Variants in RASAL2 observed in about 807,000 individuals in gnomAD.
The protein encoded by RASAL2 is ras GTPase-activating protein nGAP.
RASAL2 carries 58 observed loss-of-function variants against 128.9 expected under a neutral mutation model. The ratio of observed to expected loss-of-function variants is 0.45; its 90% CI spans 0.36 to 0.56. The LOEUF is 0.56. Among genes scored for constraint, RASAL2 ranks in the 20% least tolerant of loss-of-function variants. The pLI, the probability that RASAL2 is intolerant of heterozygous loss-of-function variation, is 0.00. For missense variants in RASAL2, 1,360 were observed against 1,601.6 expected (o/e 0.85, Z 2.57); for synonymous variants, 561 against 580.8 (o/e 0.97, Z 0.49).
At chr1:178,402,851 C>T (rs961748187) in intron 4 of RASAL2, among the ~76,000 whole-genome samples, 6 of 151,730 alleles carry the variant, frequency 4.0e-5, no homozygotes, top group South Asian at 4.2e-4. Flanking sequence ...TCATCTAGTC[C>T]GTCTCCCCTG....
intron 1 of RASAL2, among the ~76,000 whole-genome samples, chr1:178,222,327 C>T (rs1182006292): frequency 1.3e-5 from 2 of 151,930 alleles, no homozygotes; most frequent in East Asian, 3.8e-4. Flanking sequence ...ATATGTCTTC[C>T]ACCCATTTTC....
intron 3 of RASAL2, among the ~76,000 whole-genome samples, chr1:178,331,427 G>A (rs1405107604): frequency 6.6e-6 from 1 of 151,990 alleles, no homozygotes; most frequent in Middle Eastern, 3.2e-3. Flanking sequence ...TTGTCAAGTT[G>A]TCTATTTTAC....
At chr1:178,435,572 G>T (rs2102815297) in intron 5 of RASAL2, among the ~76,000 whole-genome samples, 1 of 152,200 alleles carries the variant, frequency 6.6e-6, no homozygotes, top group Non-Finnish European at 1.5e-5. Context: ...GTCAGAAGCA[G>T]CAGGTAATTT....
At chr1:178,125,276 A>G (rs1659854818) in intron 1 of RASAL2, 1 of 152,124 alleles carries the variant, frequency 6.6e-6, no homozygotes, top group African/African-American at 2.4e-5. Flanking sequence ...AGTTGCTGAG[A>G]ATATATTTTA....
At chr1:178,410,687 A>C (rs1472469310) in intron 4 of RASAL2, among the ~76,000 whole-genome samples, 1 of 152,074 alleles carries the variant, frequency 6.6e-6, no homozygotes, top group East Asian at 1.9e-4. Context: ...AAAAACAGAT[A>C]ATCCCGTCAA....
At chr1:178,193,135 T>G (rs1662547306) in intron 1 of RASAL2, among the ~76,000 whole-genome samples, 1 of 152,140 alleles carries the variant, frequency 6.6e-6, no homozygotes, top group Non-Finnish European at 1.5e-5. Flanking sequence ...AATTTTCAGG[T>G]TTTTCTGCCA....
chr1:178,351,079 C>G (rs186343789), intron 3 of RASAL2, among the ~76,000 whole-genome samples: 230 of 152,142 alleles, frequency 1.5e-3, no homozygotes, highest in African/African-American at 5.4e-3. Context: ...TTTTAAACAA[C>G]CAGATCTCAT....
At chr1:178,188,896 A>G (rs1406773720) in intron 1 of RASAL2, among the ~76,000 whole-genome samples, 1 of 152,148 alleles carries the variant, frequency 6.6e-6, no homozygotes, top group East Asian at 1.9e-4. Flanking sequence ...AAAGCTATGA[A>G]TACTGTTTCT....
At chr1:178,330,016 A>G (rs1220409229) in intron 3 of RASAL2, among the ~76,000 whole-genome samples, 1 of 152,226 alleles carries the variant, frequency 6.6e-6, no homozygotes, top group Non-Finnish European at 1.5e-5. Context: ...ATAAGTATAC[A>G]TTCAGTAAAT....
intron 3 of RASAL2, among the ~76,000 whole-genome samples, chr1:178,342,486 G>A (rs1437416015): frequency 6.6e-6 from 1 of 152,168 alleles, no homozygotes; most frequent in Non-Finnish European, 1.5e-5. Flanking sequence ...CTTATGGAGA[G>A]GAGGTATTGA....
chr1:178,326,862 A>G (rs182923991), intron 3 of RASAL2, among the ~76,000 whole-genome samples: 14 of 152,206 alleles, frequency 9.2e-5, no homozygotes, highest in African/African-American at 3.4e-4. Flanking sequence ...TTTCCTTTCT[A>G]TAACCCCCTT....
At position 178,357,843 on chromosome 1, in the gene RASAL2, A is replaced by C. The variant is rs185238755; in HGVS notation, c.458-32257A>C. ...TTGCTATAGTTTATTTGACTACTGT[A>C]TAATTTTTACATTGTTTGAATATAA... On this transcript the variant is annotated intron_variant, in intron 3 of 17. Transcript: ENST00000367649. Among the ~76,000 whole-genome samples the C allele has an allele frequency of 7.1e-3, 1,084 of 152,290 alleles. 6 individuals carry two copies. Among genetic ancestry groups the C allele is most frequent in the Non-Finnish European group, 0.01 (707 of 68,026 alleles).
intron 4 of RASAL2, among the ~76,000 whole-genome samples, chr1:178,416,098 G>C (rs1460782736): frequency 6.6e-6 from 1 of 152,002 alleles, no homozygotes; most frequent in Non-Finnish European, 1.5e-5. Flanking sequence ...TTTGTTAACT[G>C]TTTTCTATTT....
chr1:178,176,650 G>C lies in RASAL2; in HGVS notation c.202+81956G>C, dbSNP rs538599801. Among the ~76,000 whole-genome samples the C allele has an allele frequency of 6.7e-4, 101 of 149,954 alleles. 2 individuals carry two copies. The South Asian group carries it at 0.015, about 23-fold the overall frequency. On this transcript the variant is annotated intron_variant, in intron 1 of 17. Transcript: ENST00000367649. ...TTTGAGAAAGAGGGAGAGAGAGAGAGAGACAGACAGACAGAGAGACTCCCT... is the reference window on the plus strand; with the variant it reads ...TTTGAGAAAGAGGGAGAGAGAGAGACAGACAGACAGACAGAGAGACTCCCT...
At chr1:178,380,179 G>A (rs10913543) in intron 3 of RASAL2, among the ~76,000 whole-genome samples, 5,829 of 152,158 alleles carry the variant, frequency 0.038, 364 homozygotes, top group African/African-American at 0.13. Flanking sequence ...GTGAGTCACC[G>A]TGCCCCGCCA....
chr1:178,210,129 T>C (rs1451614428), intron 1 of RASAL2, among the ~76,000 whole-genome samples: 1 of 152,130 alleles, frequency 6.6e-6, no homozygotes, highest in Admixed American at 6.5e-5. Flanking sequence ...TCATTCTAGA[T>C]AGTTTCCTCT....
At chr1:178,451,027 A>G (rs1423918443) in intron 9 of RASAL2, among the ~76,000 whole-genome samples, 1 of 152,190 alleles carries the variant, frequency 6.6e-6, no homozygotes, top group African/African-American at 2.4e-5. Flanking sequence ...GGAAAAGCAT[A>G]TACAGATTAT....
chr1:178,138,016 C>T (rs1660389842), intron 1 of RASAL2, among the ~76,000 whole-genome samples: 1 of 152,230 alleles, frequency 6.6e-6, no homozygotes, highest in African/African-American at 2.4e-5. Context: ...GATGCTCTCA[C>T]TTCTTTCCTG....
At chr1:178,458,598 G>T in intron 14 of RASAL2, 54 bp downstream of exon 14, 1 of 1,506,564 alleles carries the variant, frequency 6.6e-7, no homozygotes, top group Non-Finnish European at 8.9e-7. Context: ...CTGTTTCCTT[G>T]GTTCTTTATA....
Sources: allele counts gnomAD v4.1 joint callset (sites outside exome capture counted in the v4.1 genomes callset), GRCh38; gene constraint gnomAD v4.1.1; transcripts MANE v1.5; gene names NCBI Gene and HGNC (gene_info 2026-07-23, HGNC 2026-07-21).